IL13RA2: variants seen among roughly 807,000 people sequenced by gnomAD.
IL13RA2 encodes interleukin 13 receptor subunit alpha 2, also known as interleukin-13 receptor subunit alpha-2.
In IL13RA2, 25 loss-of-function variants were observed where a neutral mutation model predicts 34.1. The ratio of observed to expected loss-of-function variants is 0.73; its 90% CI spans 0.53 to 1.03. The LOEUF (loss-of-function observed/expected upper bound fraction) is 1.03. Ranked by LOEUF, IL13RA2 falls within the 50% of genes least tolerant of loss-of-function variation. The pLI is 0.00. For missense variants in IL13RA2, 297 were observed against 280.9 expected (o/e 1.06, Z -0.41); for synonymous variants, 106 against 100.4 (o/e 1.06, Z -0.33).
chrX:115,007,808 A>G (rs2071690955), intron 8 of IL13RA2, 124 bp downstream of exon 8: 1 of 461,782 alleles, frequency 2.2e-6, no homozygotes, highest in African/African-American at 2.5e-5. Context: ...TCCCTAACTT[A>G]TTCTCTCTGT....
At chrX:115,005,464 A>G (rs200210166) in intron 8 of IL13RA2, 149 bp from the exon 9 acceptor site, 2 of 463,143 alleles carry the variant, frequency 4.3e-6, no homozygotes, top group East Asian at 7.5e-5. Flanking sequence ...ATTGTGTTTG[A>G]GTATAGCGTT....
rs781826381 is a variant in IL13RA2 at position 115,013,809 on chromosome X, T to C, written c.481A>G (p.Ile161Val). ...QYLLCSWKPG[I>V]GVLLDTNYNL... ...TAATTGGTATCAAGAAGTACACCTA[T>C]GCCAGGTTTCCAAGAACAGAGTAAA... Residue 161 changes from isoleucine (I) to valine (V), a missense_variant, in exon 5 of 10, where the codon ATA (isoleucine) becomes GTA (valine). By Grantham distance (29) the Ile-to-Val change is conservative. Coordinates refer to ENST00000243213, the MANE Select transcript of IL13RA2 (RefSeq NM_000640.3). 9.5e-7 allele frequency: 1 copy of C among 1,056,927 alleles called. No homozygotes were observed. Among genetic ancestry groups the C allele is most frequent in the Non-Finnish European group, 1.3e-6 (1 of 756,264 alleles). The allele number at this position is 1,056,927 out of a possible 1,213,427, so 87.1% of individuals were successfully genotyped here.
chrX:115,008,137 C>A, intron 7 of IL13RA2, 61 bp from the exon 8 acceptor site: 3 of 733,455 alleles, frequency 4.1e-6, no homozygotes, highest in Non-Finnish European at 4.2e-6. Flanking sequence ...AGACAGATTC[C>A]ATATCTGTCC....
chrX:115,011,071 T>C (rs17095048), intron 5 of IL13RA2, among the ~76,000 whole-genome samples: 1,668 of 111,672 alleles, frequency 0.015, 33 homozygotes, highest in African/African-American at 0.051. Flanking sequence ...CCTCGCAAAA[T>C]CTCAAAGACA....
chrX:115,005,127 A>C (rs782218316), intron 9 of IL13RA2, 70 bp downstream of exon 9: 1 of 571,426 alleles, frequency 1.8e-6, no homozygotes, highest in Admixed American at 2.6e-5. Flanking sequence ...TATCTCCATC[A>C]GTTCTAAGTG....
intron 3 of IL13RA2, among the ~76,000 whole-genome samples, 175 bp from the exon 4 acceptor site, chrX:115,014,749 T>C (rs1210491409): frequency 9.0e-6 from 1 of 111,636 alleles, no homozygotes; most frequent in African/African-American, 3.3e-5. Context: ...CTCACCTCTG[T>C]ATGTCATATC....
At chrX:115,014,713 A>G (rs782653013) in intron 3 of IL13RA2, 139 bp from the exon 4 acceptor site, 2 of 339,316 alleles carry the variant, frequency 5.9e-6, no homozygotes, top group Non-Finnish European at 1.0e-5. Flanking sequence ...ATTTGATACA[A>G]TGCCACAGAT....
At position 115,013,866 on chromosome X, in the gene IL13RA2, C is replaced by A. The variant is rs1048014955; in HGVS notation, c.424G>T (p.Asp142Tyr). 6 of 1,036,286 alleles carry A rather than the reference C, an allele frequency of 5.8e-6. No homozygotes were observed. Among genetic ancestry groups the A allele is most frequent in the East Asian group, 3.0e-5 (1 of 32,837 alleles). The allele number at this position is 1,036,286 out of a possible 1,213,427, so 85.4% of individuals were successfully genotyped here. Reference protein sequence around the residue: ...PQGIPETKVQDMDCVYYNWQY... With the variant: ...PQGIPETKVQYMDCVYYNWQY... ...CAATTGTAATATACGCAATCCATAT[C>A]CTGAACTTTAGTTTCTGGAATTCCT... is the stretch of plus-strand genomic sequence containing the variant. The change falls in exon 5 of 10, where the codon GAT becomes TAT. Residue 142 changes from aspartate (D) to tyrosine (Y), a missense_variant. Coordinates refer to ENST00000243213, the MANE Select transcript of IL13RA2 (RefSeq NM_000640.3).
intron 5 of IL13RA2, among the ~76,000 whole-genome samples, chrX:115,013,012 T>C (rs1293426249): frequency 2.7e-5 from 3 of 111,094 alleles, no homozygotes; most frequent in East Asian, 2.9e-4. Flanking sequence ...AGCATTCACA[T>C]TGGTAATAGT....
At chrX:115,015,239 T>C (rs1444908601) in intron 3 of IL13RA2, among the ~76,000 whole-genome samples, 1 of 111,620 alleles carries the variant, frequency 9.0e-6, no homozygotes, top group Non-Finnish European at 1.9e-5. Context: ...CTTACTACAA[T>C]ATATACAACG....
chrX:115,017,237 TA>T lies in IL13RA2; in HGVS notation c.32del (p.Leu11TyrfsTer5). 1 of 1,015,276 alleles carries T rather than the reference TA, an allele frequency of 9.8e-7. No homozygotes were observed. Among genetic ancestry groups the T allele is most frequent in the Non-Finnish European group, 1.4e-6 (1 of 718,627 alleles). The allele number at this position is 1,015,276 out of a possible 1,213,427, so 83.7% of individuals were successfully genotyped here. A position where few individuals can be genotyped will look rare whatever the true frequency, so the allele number is the denominator to read the frequency against. On this transcript the variant is annotated frameshift_variant, in exon 2 of 10. Transcript: ENST00000243213. LOFTEE classifies it high-confidence loss of function. MAFVCLAIGC[L>X]YTFLISTTFG... is the part of the protein sequence containing the mutation. ...ATGTTGTGCTTATCAGAAAGGTATA[TA>T]AGCATCCGATAGCCAAGCAAACGAA...
chrX:115,006,502 G>T (rs2071685684), intron 8 of IL13RA2, among the ~76,000 whole-genome samples: 1 of 110,902 alleles, frequency 9.0e-6, no homozygotes, highest in African/African-American at 3.3e-5. Context: ...AGCCGACACG[G>T]TGAAACTCTG....
At chrX:115,014,715 G>A (rs1424452470) in intron 3 of IL13RA2, 141 bp from the exon 4 acceptor site, 1 of 337,959 alleles carries the variant, frequency 3.0e-6, no homozygotes, top group East Asian at 4.1e-5. Flanking sequence ...TTGATACAAT[G>A]CCACAGATAC....
intron 6 of IL13RA2, among the ~76,000 whole-genome samples, chrX:115,009,965 G>A (rs1416420401): frequency 2.7e-5 from 3 of 111,920 alleles, no homozygotes; most frequent in Non-Finnish European, 5.6e-5. Flanking sequence ...TGTAGCATTA[G>A]AAATAACAAC....
At chrX:115,004,830 G>T (rs939917982) in intron 9 of IL13RA2, among the ~76,000 whole-genome samples, 2 of 112,045 alleles carry the variant, frequency 1.8e-5, no homozygotes, top group African/African-American at 6.5e-5. Context: ...GTGTTCTTGT[G>T]CCTGTGGCAC....
At chrX:115,008,237 A>G (rs2071692703) in intron 7 of IL13RA2, among the ~76,000 whole-genome samples, 161 bp from the exon 8 acceptor site, 1 of 111,498 alleles carries the variant, frequency 9.0e-6, no homozygotes, top group African/African-American at 3.3e-5. Flanking sequence ...AGCTCTCTGT[A>G]TAGTGGGGGT....
Position 115,009,682 on chromosome X carries a change from G to T in IL13RA2, c.707-16C>A, listed in dbSNP as rs1556508474. ...AAAGGTTTAACTGAAAAGCAAAAGAGAACCATTTCAACACGGAGATTGTTG... is the reference window on the plus strand; with the variant it reads ...AAAGGTTTAACTGAAAAGCAAAAGATAACCATTTCAACACGGAGATTGTTG... On this transcript the variant is annotated splice_polypyrimidine_tract_variant and intron_variant, in intron 6 of 9. Transcript: ENST00000243213. 1 of 1,197,918 alleles carries T rather than the reference G, an allele frequency of 8.3e-7. No homozygotes were observed. Among genetic ancestry groups the T allele is most frequent in the Admixed American group, 2.2e-5 (1 of 45,886 alleles).
At chrX:115,010,929 A>G (rs1458066261) in intron 5 of IL13RA2, 101 bp from the exon 6 acceptor site, 2 of 393,636 alleles carry the variant, frequency 5.1e-6, no homozygotes, top group Non-Finnish European at 8.8e-6. Flanking sequence ...TCAGTTTAAA[A>G]ATCATTTAAT....
At position 115,015,684 on chromosome X, in the gene IL13RA2, T is replaced by C. The variant is rs2071724151; in HGVS notation, c.232A>G (p.Ser78Gly). The C allele has an allele frequency of 8.3e-7, 1 of 1,203,635 alleles. No homozygotes were observed. Among genetic ancestry groups the C allele is most frequent in the Non-Finnish European group, 1.1e-6 (1 of 888,146 alleles). The part of the protein sequence containing the change: ...EYELKYRNIG[S>G]ETWKTIITKN... ...GCTTTACTTACCTTCCATGTTTCAC[T>C]ACCAATGTTTCGGTATTTTAGTTCA... Residue 78 changes from serine (S) to glycine (G), a missense_variant, in exon 3 of 10, where the codon AGT becomes GGT. Coordinates refer to ENST00000243213, the MANE Select transcript of IL13RA2 (RefSeq NM_000640.3).
Sources: gnomAD v4.1 joint callset for allele counts (sites outside exome capture counted in the v4.1 genomes callset) on GRCh38, gnomAD v4.1.1 for gene constraint, MANE v1.5 for transcripts, NCBI Gene and HGNC (gene_info 2026-07-23, HGNC 2026-07-21) for gene names.